GADL1: variants seen among roughly 807,000 people sequenced by gnomAD.
GADL1 encodes acidic amino acid decarboxylase GADL1.
In GADL1, 71 loss-of-function variants were observed where a neutral mutation model predicts 69.5. That is an observed-to-expected ratio of 1.02 (90% CI 0.84 to 1.25). GADL1 has a LOEUF of 1.25. GADL1 is among the 50% of genes most tolerant of loss of function. The pLI is 0.00. For synonymous variants in GADL1, 254 were observed against 214.4 expected (o/e 1.18, Z -1.62); for missense variants, 737 against 631.8 (o/e 1.17, Z -1.79).
intron 1 of GADL1, among the ~76,000 whole-genome samples, chr3:30,888,533 G>C (rs113170645): frequency 2.2e-4 from 33 of 152,278 alleles, no homozygotes; most frequent in African/African-American, 7.7e-4. Context: ...AGTAGGGACA[G>C]ATTCTGAGAC....
rs767395909 is a variant in GADL1, at chr3:30,861,648, G to A, written c.155C>T (p.Ala52Val). 1.9e-6 allele frequency: 3 copies of A among 1,550,022 alleles called. No homozygotes were observed. Among genetic ancestry groups the A allele is most frequent in the African/African-American group, 1.4e-5 (1 of 72,852 alleles). Residue 52 changes from alanine to valine, a missense_variant, in exon 2 of 15, where the codon GCC (alanine) becomes GTC (valine). Coordinates refer to ENST00000282538, the MANE Select transcript of GADL1 (RefSeq NM_207359.3). ...AKAGEKFVEE[A>V]CRLIMEEVVL... ...CACCTCTTCCATTATTAGCCTACAG[G>A]CCTCTTCAACAAATTTTTCTCCAGC...
rs1697151917 is a variant in GADL1, at chr3:30,801,001, T to G, written c.1138A>C (p.Lys380Gln). ...GGTCTTCTGCTACACTGGATAGACT[T>G]GTCTCCTGTGTCATAGCTCACATCA... Reference protein sequence around the residue: ...FYDVSYDTGDKSIQCSRRPDA... With the variant: ...FYDVSYDTGDQSIQCSRRPDA... Residue 380 changes from lysine (K) to glutamine (Q), a missense_variant, in exon 12 of 15, where the codon AAG becomes CAG. Lys to Gln is a moderately conservative substitution (Grantham distance 53). Coordinates refer to ENST00000282538, the MANE Select transcript of GADL1 (RefSeq NM_207359.3). 1 of 1,613,900 alleles carries G rather than the reference T, an allele frequency of 6.2e-7. No homozygotes were observed. Among genetic ancestry groups the G allele is most frequent in the African/African-American group, 1.3e-5 (1 of 74,934 alleles).
chr3:30,836,740 G>C (rs1345453738), intron 9 of GADL1, among the ~76,000 whole-genome samples: 1 of 139,606 alleles, frequency 7.2e-6, no homozygotes, highest in African/African-American at 3.0e-5. Flanking sequence ...GAATGGGTGA[G>C]AGAATAGGAA....
intron 14 of GADL1, among the ~76,000 whole-genome samples, chr3:30,758,623 G>C (rs1187578148): frequency 6.6e-6 from 1 of 152,174 alleles, no homozygotes; most frequent in Admixed American, 6.5e-5. Context: ...TATAAATGTG[G>C]ACCTTCTACG....
At position 30,871,515 on chromosome 3, in the gene GADL1, C is replaced by T. The variant is rs952025578; in HGVS notation, c.38-9750G>A. On this transcript the variant is annotated intron_variant, in intron 1 of 14. Coordinates refer to ENST00000282538, the MANE Select transcript of GADL1 (RefSeq NM_207359.3). Reference sequence around the variant, plus strand: ...ATGGATAGACAGCTTTTCTCTCCTCCAGTAAGTCTATGTTCTAAAAATGAT... The same window carrying T: ...ATGGATAGACAGCTTTTCTCTCCTCTAGTAAGTCTATGTTCTAAAAATGAT... Among the ~76,000 whole-genome samples the T allele has an allele frequency of 6.6e-5, 10 of 151,774 alleles. 1 individual carries two copies. The highest frequency in any genetic ancestry group is 1.9e-4 in the African/African-American group (8 of 41,262).
chr3:30,770,928 GAA>G (rs982032906), intron 14 of GADL1, among the ~76,000 whole-genome samples: 1 of 152,130 alleles, frequency 6.6e-6, no homozygotes, highest in Non-Finnish European at 1.5e-5. Context: ...ACACATCTAT[GAA>G]AATGTTTAGA....
At chr3:30,754,840 G>A (rs764529827) in intron 14 of GADL1, among the ~76,000 whole-genome samples, 19 of 141,604 alleles carry the variant, frequency 1.3e-4, no homozygotes, top group African/African-American at 1.6e-4. Context: ...CTATGAGGGG[G>A]CAAAAACTGC....
chr3:30,874,463 A>G (rs1698548703), intron 1 of GADL1, among the ~76,000 whole-genome samples: 1 of 151,946 alleles, frequency 6.6e-6, no homozygotes, highest in South Asian at 2.1e-4. Flanking sequence ...GATATGGGCC[A>G]AGGATGTTTT....
intron 1 of GADL1, among the ~76,000 whole-genome samples, chr3:30,864,387 T>TAC (rs912154714): frequency 4.0e-5 from 6 of 150,870 alleles, no homozygotes; most frequent in African/African-American, 1.5e-4. Flanking sequence ...GTCACACACA[T>TAC]ACACACACAC....
At chr3:30,886,101 A>G (rs577943015) in intron 1 of GADL1, among the ~76,000 whole-genome samples, 2 of 152,308 alleles carry the variant, frequency 1.3e-5, no homozygotes, top group East Asian at 3.9e-4. Context: ...CCCATAATGC[A>G]TCACAATGAA....
chr3:30,883,380 C>T (rs563305215), intron 1 of GADL1, among the ~76,000 whole-genome samples: 2 of 152,042 alleles, frequency 1.3e-5, no homozygotes, highest in East Asian at 3.9e-4. Context: ...ATTCAGTATT[C>T]CCAGCACCAT....
At chr3:30,764,380 CT>C (rs1696218017) in intron 14 of GADL1, among the ~76,000 whole-genome samples, 1 of 152,156 alleles carries the variant, frequency 6.6e-6, no homozygotes, top group Admixed American at 6.5e-5. Context: ...ACATAATTCT[CT>C]TGAGTTATGT....
chr3:30,748,516 A>AGGATTT (rs1695746613), intron 14 of GADL1, among the ~76,000 whole-genome samples: 1 of 150,368 alleles, frequency 6.7e-6, no homozygotes, highest in African/African-American at 2.5e-5. Flanking sequence ...ATGGCACCAA[A>AGGATTT]GGATTTGAGA....
At chr3:30,773,443 C>CTAT (rs1696464378) in intron 14 of GADL1, among the ~76,000 whole-genome samples, 2 of 152,046 alleles carry the variant, frequency 1.3e-5, no homozygotes, top group Non-Finnish European at 2.9e-5. Context: ...AGAAAATTTT[C>CTAT]AAATTGCAGA....
rs145250321 is a variant in GADL1, at chr3:30,765,670, C to T, written c.1392+12509G>A. On this transcript the variant is annotated intron_variant, in intron 14 of 14. Coordinates refer to ENST00000282538, the MANE Select transcript of GADL1 (RefSeq NM_207359.3). ...CTCTGGGTAATTTTGAAACAAGGAG[C>T]CCCACATTTTTATTTTGCATGAGTT... Among the ~76,000 whole-genome samples the T allele has an allele frequency of 5.0e-3, 766 of 152,224 alleles. 7 individuals carry two copies. Among genetic ancestry groups the T allele is most frequent in the African/African-American group, 0.018 (738 of 41,534 alleles).
chr3:30,877,908 C>T (rs1698599412), intron 1 of GADL1, among the ~76,000 whole-genome samples: 1 of 151,858 alleles, frequency 6.6e-6, no homozygotes, highest in Admixed American at 6.6e-5. Flanking sequence ...AGTTGCTCTA[C>T]AATATTTAAC....
At chr3:30,810,855 G>A (rs1163280516) in intron 11 of GADL1, among the ~76,000 whole-genome samples, 1 of 152,116 alleles carries the variant, frequency 6.6e-6, no homozygotes, top group Non-Finnish European at 1.5e-5. Context: ...ATGAGAGGGG[G>A]AGGGGGAAGG....
rs145338663 is a variant in GADL1, at chr3:30,842,905, T to C, written c.786+1305A>G. On this transcript the variant is annotated intron_variant, in intron 8 of 14. Transcript: ENST00000282538. ...ATGGCAGAAATTTTAAATACAGAAG[T>C]TCAAGCCAAATATTGTGATCTAGCA... Among the ~76,000 whole-genome samples the C allele has an allele frequency of 1.1e-3, 164 of 147,944 alleles. 1 individual carries two copies. The highest frequency in any genetic ancestry group is 3.8e-3 in the African/African-American group (155 of 40,334).
intron 14 of GADL1, among the ~76,000 whole-genome samples, chr3:30,755,631 G>A (rs1695950031): frequency 6.6e-6 from 1 of 152,132 alleles, no homozygotes; most frequent in African/African-American, 2.4e-5. Flanking sequence ...TAGCCTAATA[G>A]CGGTAGTGTT....
Sources: allele counts gnomAD v4.1 joint callset (sites outside exome capture counted in the v4.1 genomes callset), GRCh38; gene constraint gnomAD v4.1.1; transcripts MANE v1.5; gene names NCBI Gene and HGNC (gene_info 2026-07-23, HGNC 2026-07-21).